ZNF652: variants seen among roughly 807,000 people sequenced by gnomAD.
The protein encoded by ZNF652 is zinc finger protein 652.
A neutral mutation model predicts 45.2 loss-of-function variants in ZNF652; 16 were observed. That is an observed-to-expected ratio of 0.35 (90% CI 0.24 to 0.54). The LOEUF is 0.54. Among genes scored for constraint, ZNF652 ranks in the 20% least tolerant of loss-of-function variants. The probability of loss-of-function intolerance (pLI) is 0.91; values close to 1 mark genes in which losing one functional copy is unlikely to be tolerated. For synonymous variants in ZNF652, 250 were observed against 260.6 expected (o/e 0.96, Z 0.39); for missense variants, 614 against 765.6 (o/e 0.80, Z 2.34).
Position 49,298,623 on chromosome 17 carries a change from A to C in ZNF652, c.1611T>G (p.Thr537=). ...TPPINMNPVS[T]LPPRPIPHPF... ...GGTGGGGGATGGGCCGAGGGGGAAG[A>C]GTGCTTACAGGATTCATATTGATTG... Residue 537 remains threonine, a synonymous_variant, in exon 6 of 6, where the codon ACT becomes ACG. Coordinates refer to ENST00000430262, the MANE Select transcript of ZNF652 (RefSeq NM_001145365.3). The C allele has an allele frequency of 6.2e-7, 1 of 1,609,970 alleles. No individual in the cohort carries two copies. The highest frequency in any genetic ancestry group is 8.5e-7 in the Non-Finnish European group (1 of 1,178,934).
intron 1 of ZNF652, among the ~76,000 whole-genome samples, chr17:49,325,844 G>GT: frequency 6.6e-6 from 1 of 152,078 alleles, no homozygotes; most frequent in East Asian, 1.9e-4. Context: ...ACTTTTGGGG[G>GT]TTTTTCCACA....
intron 1 of ZNF652, among the ~76,000 whole-genome samples, chr17:49,351,952 G>A (rs892151698): frequency 6.6e-6 from 1 of 152,022 alleles, no homozygotes; most frequent in Non-Finnish European, 1.5e-5. Context: ...ACACCACTGT[G>A]ATCACACCAC....
At chr17:49,355,040 A>G (rs1598319896) in intron 1 of ZNF652, among the ~76,000 whole-genome samples, 1 of 152,106 alleles carries the variant, frequency 6.6e-6, no homozygotes, top group African/African-American at 2.4e-5. Context: ...CGGCAGTATT[A>G]AAGAGCATGG....
chr17:49,321,020 TAC>T (rs2069884534), intron 1 of ZNF652, among the ~76,000 whole-genome samples: 1 of 151,984 alleles, frequency 6.6e-6, no homozygotes, highest in Non-Finnish European at 1.5e-5. Flanking sequence ...CAGCCTAGGC[TAC>T]ACTTTTAAAA....
intron 1 of ZNF652, chr17:49,361,368 G>C (rs2070391201): frequency 6.6e-6 from 1 of 152,434 alleles, no homozygotes; most frequent in Non-Finnish European, 1.5e-5. Flanking sequence ...GGAGGAGGTG[G>C]GGGTGGAGAA....
At chr17:49,311,217 A>G in intron 5 of ZNF652, 95 bp downstream of exon 5, 2 of 1,352,166 alleles carry the variant, frequency 1.5e-6, no homozygotes, top group Non-Finnish European at 2.0e-6. Flanking sequence ...TTTGAATGCA[A>G]ATTTGTGGTT....
chr17:49,332,415 C>G (rs1287076112), intron 1 of ZNF652, among the ~76,000 whole-genome samples: 1 of 152,114 alleles, frequency 6.6e-6, no homozygotes, highest in African/African-American at 2.4e-5. Context: ...CAGAAAAAGA[C>G]AAATTGCTAA....
rs1567700181 is a variant in ZNF652 at position 49,351,002 on chromosome 17, TATATATATATATACAC to T, written c.-259+10891_-259+10906del. Among the ~76,000 whole-genome samples the T allele has an allele frequency of 1.9e-4, 4 of 20,514 alleles. 1 individual carries two copies. The highest frequency in any genetic ancestry group is 1.8e-3 in the South Asian group (2 of 1,110). The allele number at this position is 20,514 out of a possible 152,430, so 13.5% of individuals were successfully genotyped here. Reference sequence around the variant, plus strand: ...ATATATATATATATATATATATATATATATATATATATACACACACACACACACACACACACACACA... The same window carrying T: ...ATATATATATATATATATATATATATACACACACACACACACACACACACA... On this transcript the variant is annotated intron_variant, in intron 1 of 5. Transcript: ENST00000430262.
At position 49,292,453 on chromosome 17, in the gene ZNF652, A is replaced by G. The variant is rs1430591645; in HGVS notation, c.*5960T>C. 6.6e-6 allele frequency among the ~76,000 whole-genome samples: 1 copy of G among 152,350 alleles called. No individual in the cohort carries two copies. The highest frequency in any genetic ancestry group is 2.4e-5 in the African/African-American group (1 of 41,572). ...TTAGATGAAAACAGCTAGAAAAAGT[A>G]AACAGAAGTTTTTGAGGGACAGGGC... On this transcript the variant is annotated 3_prime_UTR_variant, in exon 6 of 6. Coordinates refer to ENST00000430262, the MANE Select transcript of ZNF652 (RefSeq NM_001145365.3).
rs1310705533 is a variant in ZNF652 at position 49,293,229 on chromosome 17, A to T, written c.*5184T>A. ...GTGAACAAGAAACAGTTTGTTTTCCAAATATGTATGTCTGCAAAGTATTCT... is the reference window on the plus strand; with the variant it reads ...GTGAACAAGAAACAGTTTGTTTTCCTAATATGTATGTCTGCAAAGTATTCT... On this transcript the variant is annotated 3_prime_UTR_variant, in exon 6 of 6. Transcript: ENST00000430262. 2.0e-5 allele frequency among the ~76,000 whole-genome samples: 3 copies of T among 152,234 alleles called. No homozygotes were observed. Among genetic ancestry groups the T allele is most frequent in the African/African-American group, 7.2e-5 (3 of 41,462 alleles).
intron 1 of ZNF652, among the ~76,000 whole-genome samples, chr17:49,342,201 G>A (rs925014230): frequency 4.0e-5 from 6 of 149,996 alleles, no homozygotes; most frequent in Non-Finnish European, 7.4e-5. Context: ...AAAAAAAAAA[G>A]AATTTTCTCA....
intron 1 of ZNF652, among the ~76,000 whole-genome samples, chr17:49,348,479 A>AAAAAAG (rs2070231728): frequency 8.9e-6 from 1 of 111,874 alleles, no homozygotes; most frequent in Non-Finnish European, 1.7e-5. Flanking sequence ...CCTTGCCTCA[A>AAAAAAG]AAAAGAAAAG....
chr17:49,360,364 T>C (rs933613513), intron 1 of ZNF652, among the ~76,000 whole-genome samples: 1 of 152,230 alleles, frequency 6.6e-6, no homozygotes, highest in Non-Finnish European at 1.5e-5. Context: ...TTGACTTTAG[T>C]GGCATACAAA....
At chr17:49,329,756 C>T (rs1456504493) in intron 1 of ZNF652, among the ~76,000 whole-genome samples, 1 of 152,142 alleles carries the variant, frequency 6.6e-6, no homozygotes, top group Non-Finnish European at 1.5e-5. Context: ...CATTGTGTTT[C>T]CTCAACAATA....
intron 1 of ZNF652, among the ~76,000 whole-genome samples, chr17:49,357,830 C>T (rs1464054822): frequency 6.6e-6 from 1 of 152,160 alleles, no homozygotes; most frequent in Non-Finnish European, 1.5e-5. Flanking sequence ...TTTACTGTCC[C>T]CACCAAGTTC....
At chr17:49,315,000 G>A (rs1043778526) in intron 2 of ZNF652, among the ~76,000 whole-genome samples, 11 of 151,816 alleles carry the variant, frequency 7.2e-5, no homozygotes, top group Non-Finnish European at 1.3e-4. Flanking sequence ...GAGATTACAG[G>A]TGTGAGCCAC....
At position 49,317,837 on chromosome 17, in the gene ZNF652, A is replaced by G. The variant is rs2069832264; in HGVS notation, c.-112T>C. On this transcript the variant is annotated 5_prime_UTR_variant, in exon 2 of 6. Coordinates refer to ENST00000430262, the MANE Select transcript of ZNF652 (RefSeq NM_001145365.3). ...CATCCACAAAGAATCACTCAAATGAAAAAAAGATATTCCTGGAAACTGTGT... is the reference window on the plus strand; with the variant it reads ...CATCCACAAAGAATCACTCAAATGAGAAAAAGATATTCCTGGAAACTGTGT... The G allele has an allele frequency of 8.6e-7, 1 of 1,165,046 alleles. No individual in the cohort carries two copies. The highest frequency in any genetic ancestry group is 1.2e-6 in the Non-Finnish European group (1 of 859,990). The allele number at this position is 1,165,046 out of a possible 1,614,324, so 72.2% of individuals were successfully genotyped here.
intron 5 of ZNF652, among the ~76,000 whole-genome samples, chr17:49,304,776 G>A (rs1358474702): frequency 6.6e-6 from 1 of 151,862 alleles, no homozygotes; most frequent in Non-Finnish European, 1.5e-5. Flanking sequence ...CAAAAATTTG[G>A]CTAGTTGTCT....
At chr17:49,345,653 A>G (rs948072340) in intron 1 of ZNF652, among the ~76,000 whole-genome samples, 21 of 151,204 alleles carry the variant, frequency 1.4e-4, no homozygotes, top group African/African-American at 5.1e-4. Context: ...CATCCTGGCT[A>G]ACACGGTGAA....
Sources: allele counts gnomAD v4.1 joint callset (sites outside exome capture counted in the v4.1 genomes callset), GRCh38; gene constraint gnomAD v4.1.1; transcripts MANE v1.5; gene names NCBI Gene and HGNC (gene_info 2026-07-23, HGNC 2026-07-21).